Variants in KCNT2 observed in about 807,000 individuals in gnomAD.
KCNT2 encodes the protein potassium channel subfamily T member 2.
Under a neutral mutation model 153.8 loss-of-function variants are expected in KCNT2, and 67 were observed. The observed-to-expected ratio is 0.44, with a 90% CI of 0.36 to 0.53. The LOEUF is 0.53. Among genes scored for constraint, KCNT2 ranks in the 20% least tolerant of loss-of-function variants. The probability of loss-of-function intolerance (pLI) is 0.00; values close to 1 mark genes in which losing one functional copy is unlikely to be tolerated. For synonymous variants in KCNT2, 500 were observed against 458.8 expected, an observed-to-expected ratio of 1.09 and a Z score of -1.15; for missense variants, 975 against 1,354.8, an observed-to-expected ratio of 0.72 and a Z score of 4.40.
intron 23 of KCNT2, among the ~76,000 whole-genome samples, chr1:196,282,971 A>T (rs1571898949): frequency 6.6e-6 from 1 of 152,122 alleles, no homozygotes; most frequent in Non-Finnish European, 1.5e-5. Context: ...CAGCCTCCCA[A>T]GTAGCTGAGA....
At position 196,540,509 on chromosome 1, in the gene KCNT2, G is replaced by T. The variant is rs147192980; in HGVS notation, c.96-48168C>A. 5.1e-3 allele frequency among the ~76,000 whole-genome samples: 782 copies of T among 152,220 alleles called. 9 individuals carry two copies. The highest frequency in any genetic ancestry group is 0.017 in the African/African-American group (708 of 41,530). ...AAATAAATATGAATTCAATTTTTCT[G>T]TTTGTGTCTTTGAGATTATAGCAGC... On this transcript the variant is annotated intron_variant, in intron 1 of 27. Coordinates refer to ENST00000294725, the MANE Select transcript of KCNT2 (RefSeq NM_198503.5).
chr1:196,495,744 A>T (rs1368395330), intron 1 of KCNT2, among the ~76,000 whole-genome samples: 3 of 152,190 alleles, frequency 2.0e-5, no homozygotes, highest in African/African-American at 4.8e-5. Flanking sequence ...GGCTTATACA[A>T]AAGTTAAAAT....
chr1:196,534,479 A>G (rs1384446121), intron 1 of KCNT2, among the ~76,000 whole-genome samples: 20 of 152,184 alleles, frequency 1.3e-4, no homozygotes, highest in Non-Finnish European at 2.6e-4. Context: ...CTTGAGCTGA[A>G]ACAGAAATGC....
chr1:196,389,205 C>A (rs1253819348), intron 13 of KCNT2, among the ~76,000 whole-genome samples: 3 of 151,704 alleles, frequency 2.0e-5, no homozygotes, highest in African/African-American at 7.2e-5. Flanking sequence ...ACAGTATGTT[C>A]TTTCTGTATA....
chr1:196,414,317 C>T (rs1455511221), intron 12 of KCNT2, among the ~76,000 whole-genome samples: 2 of 151,652 alleles, frequency 1.3e-5, no homozygotes, highest in Admixed American at 1.3e-4. Flanking sequence ...CAAGATTAAT[C>T]AATTAAAAGT....
intron 5 of KCNT2, 60 bp from the exon 6 acceptor site, chr1:196,469,128 A>G (rs900088637): frequency 3.3e-6 from 3 of 916,026 alleles, no homozygotes; most frequent in Non-Finnish European, 5.3e-6. Context: ...TTAAAGGGGG[A>G]AAAAGACAGC....
At chr1:196,365,143 G>T (rs1212781967) in intron 14 of KCNT2, among the ~76,000 whole-genome samples, 1 of 151,906 alleles carries the variant, frequency 6.6e-6, no homozygotes, top group Non-Finnish European at 1.5e-5. Context: ...GTAATAATGT[G>T]TTATCAGTAT....
At chr1:196,379,216 C>A (rs1469710477) in intron 13 of KCNT2, among the ~76,000 whole-genome samples, 1 of 152,102 alleles carries the variant, frequency 6.6e-6, no homozygotes, top group African/African-American at 2.4e-5. Flanking sequence ...ATAAATCTGT[C>A]ATTTTTTTTC....
At chr1:196,515,760 A>C (rs1474366812) in intron 1 of KCNT2, among the ~76,000 whole-genome samples, 1 of 152,192 alleles carries the variant, frequency 6.6e-6, no homozygotes, top group East Asian at 1.9e-4. Flanking sequence ...TCCATCAAGA[A>C]AACAACTCAA....
intron 22 of KCNT2, among the ~76,000 whole-genome samples, chr1:196,295,215 A>T (rs1660569129): frequency 6.6e-6 from 1 of 151,812 alleles, no homozygotes; most frequent in Admixed American, 6.6e-5. Context: ...AAAAATAAAA[A>T]TATAGAATAA....
At chr1:196,321,145 T>C (rs916769936) in intron 19 of KCNT2, among the ~76,000 whole-genome samples, 2 of 151,870 alleles carry the variant, frequency 1.3e-5, no homozygotes, top group African/African-American at 4.8e-5. Context: ...TAGTGCCTTA[T>C]GGTAGAGATT....
intron 1 of KCNT2, among the ~76,000 whole-genome samples, chr1:196,543,962 T>C (rs1656723997): frequency 9.6e-6 from 1 of 104,012 alleles, no homozygotes; most frequent in Non-Finnish European, 2.1e-5. Context: ...AGCAGCTTTG[T>C]AATAGCTCAA....
At chr1:196,248,927 T>C (rs551309328) in intron 26 of KCNT2, among the ~76,000 whole-genome samples, 2 of 152,296 alleles carry the variant, frequency 1.3e-5, no homozygotes, top group South Asian at 4.1e-4. Flanking sequence ...ATTAACAGAC[T>C]GAATTCAACA....
chr1:196,557,662 A>C (rs551440528), intron 1 of KCNT2, among the ~76,000 whole-genome samples: 1 of 151,278 alleles, frequency 6.6e-6, no homozygotes, highest in African/African-American at 2.4e-5. Flanking sequence ...TATTTTACTT[A>C]CCACTGAGCA....
chr1:196,606,031 T>C (rs1665276654), intron 1 of KCNT2, among the ~76,000 whole-genome samples: 1 of 152,232 alleles, frequency 6.6e-6, no homozygotes, highest in Non-Finnish European at 1.5e-5. Flanking sequence ...AGTTTCCTTG[T>C]GCCTAACATA....
At chr1:196,563,257 T>A (rs1162329167) in intron 1 of KCNT2, among the ~76,000 whole-genome samples, 2 of 151,898 alleles carry the variant, frequency 1.3e-5, no homozygotes, top group African/African-American at 4.8e-5. Flanking sequence ...TCCAACACTT[T>A]TCTCCCATTC....
chr1:196,513,812 C>T (rs749893734), intron 1 of KCNT2, among the ~76,000 whole-genome samples: 3 of 152,124 alleles, frequency 2.0e-5, no homozygotes, highest in African/African-American at 7.2e-5. Flanking sequence ...AGAGACCAAA[C>T]AACTGGTTCT....
chr1:196,437,973 A>G (rs10922069), intron 8 of KCNT2, among the ~76,000 whole-genome samples: 4,983 of 151,574 alleles, frequency 0.033, 118 homozygotes, highest in South Asian at 0.07. Context: ...ATAATATCAT[A>G]AATTAATAAA....
rs933654196 is a variant in KCNT2, at chr1:196,400,540, T to C, written c.1186-1869A>G. ...CCTTTTAATAGAGGTTGGCAGTCAG[T>C]TATCGAAAAAACATAAGTTGTTTTT... On this transcript the variant is annotated intron_variant, in intron 12 of 27. Coordinates refer to ENST00000294725, the MANE Select transcript of KCNT2 (RefSeq NM_198503.5). 3.3e-5 allele frequency among the ~76,000 whole-genome samples: 5 copies of C among 151,894 alleles called. No individual in the cohort carries two copies. In the South Asian group the frequency reaches 1.0e-3, roughly 31 times the overall value.
Sources: allele counts gnomAD v4.1 joint callset (sites outside exome capture counted in the v4.1 genomes callset), GRCh38; gene constraint gnomAD v4.1.1; transcripts MANE v1.5; gene names NCBI Gene and HGNC (gene_info 2026-07-23, HGNC 2026-07-21).